ZNF385D: variants seen among roughly 807,000 people sequenced by gnomAD.
The protein encoded by ZNF385D is zinc finger protein 385D.
A neutral mutation model predicts 35.8 loss-of-function variants in ZNF385D; 15 were observed. The observed-to-expected ratio is 0.42, with a 90% CI of 0.28 to 0.64. ZNF385D has a LOEUF of 0.64. Ranked by LOEUF, ZNF385D falls within the 30% of genes least tolerant of loss-of-function variation. ZNF385D has a pLI of 0.23. For synonymous variants in ZNF385D, 212 were observed against 186.8 expected, an observed-to-expected ratio of 1.13 and a Z score of -1.10; for missense variants, 474 against 494.6, an observed-to-expected ratio of 0.96 and a Z score of 0.39.
At chr3:22,248,483 C>T (rs1158877316) in intron 2 of ZNF385D, among the ~76,000 whole-genome samples, 1 of 152,120 alleles carries the variant, frequency 6.6e-6, no homozygotes, top group African/African-American at 2.4e-5. Flanking sequence ...GGAAATCATA[C>T]AACTCATTAT....
chr3:22,346,624 G>T (rs1239297867), intron 2 of ZNF385D, among the ~76,000 whole-genome samples: 2 of 152,138 alleles, frequency 1.3e-5, no homozygotes, highest in African/African-American at 2.4e-5. Flanking sequence ...AACCCAGGCA[G>T]TGGACACCTG....
chr3:21,817,974 T>C (rs919444859), intron 3 of ZNF385D, among the ~76,000 whole-genome samples: 1 of 152,190 alleles, frequency 6.6e-6, no homozygotes, highest in Non-Finnish European at 1.5e-5. Context: ...TTGGCACATA[T>C]ACACCATGGA....
At chr3:22,202,395 G>A (rs950954602) in intron 2 of ZNF385D, among the ~76,000 whole-genome samples, 2 of 152,068 alleles carry the variant, frequency 1.3e-5, no homozygotes, top group African/African-American at 2.4e-5. Context: ...GAAAATACTA[G>A]CATAATCTCC....
At chr3:21,663,960 A>AGAAAGCT (rs997604744) in intron 2 of ZNF385D, among the ~76,000 whole-genome samples, 1 of 138,058 alleles carries the variant, frequency 7.2e-6, no homozygotes, top group African/African-American at 2.6e-5. Flanking sequence ...TATTGCAACA[A>AGAAAGCT]GAAAGCTGTG....
intron 2 of ZNF385D, among the ~76,000 whole-genome samples, chr3:22,354,545 C>A (rs1696062117): frequency 6.6e-6 from 1 of 151,906 alleles, no homozygotes; most frequent in Non-Finnish European, 1.5e-5. Context: ...AAATTGTATT[C>A]ATTCAATTAA....
intron 3 of ZNF385D, among the ~76,000 whole-genome samples, chr3:21,893,152 A>G (rs1479192206): frequency 6.6e-6 from 1 of 152,162 alleles, no homozygotes; most frequent in East Asian, 1.9e-4. Flanking sequence ...TCTCATCTAA[A>G]ATGGTGAGAA....
intron 4 of ZNF385D, among the ~76,000 whole-genome samples, chr3:21,491,606 G>A (rs974742131): frequency 6.6e-6 from 1 of 152,122 alleles, no homozygotes; most frequent in Non-Finnish European, 1.5e-5. Flanking sequence ...ATCTAAATTA[G>A]AGATTTACAA....
chr3:22,227,562 A>G (rs1268979466), intron 2 of ZNF385D, among the ~76,000 whole-genome samples: 1 of 152,164 alleles, frequency 6.6e-6, no homozygotes, highest in East Asian at 1.9e-4. Flanking sequence ...TAAAAGGCCT[A>G]AAGTGAGGTA....
chr3:21,869,497 T>C (rs902378925), intron 3 of ZNF385D, among the ~76,000 whole-genome samples: 13 of 152,096 alleles, frequency 8.5e-5, no homozygotes, highest in African/African-American at 2.9e-4. Context: ...CTTCAATAAA[T>C]GCTGCTGAGA....
intron 3 of ZNF385D, among the ~76,000 whole-genome samples, chr3:22,093,496 A>T (rs74285157): frequency 6.6e-6 from 1 of 152,074 alleles, no homozygotes; most frequent in Admixed American, 6.6e-5. Flanking sequence ...ACAAAGGATA[A>T]TATTAAAGGT....
intron 3 of ZNF385D, among the ~76,000 whole-genome samples, chr3:21,888,821 T>C (rs1466298563): frequency 6.6e-6 from 1 of 152,164 alleles, no homozygotes; most frequent in East Asian, 1.9e-4. Flanking sequence ...TTCATCTAAG[T>C]TGAGGTTGCC....
chr3:21,819,381 C>A (rs1210882556), intron 3 of ZNF385D, among the ~76,000 whole-genome samples: 1 of 151,036 alleles, frequency 6.6e-6, no homozygotes, highest in African/African-American at 2.4e-5. Context: ...GAACCTAAAA[C>A]AAGGTAACAG....
chr3:21,922,222 T>C (rs1700501332), intron 3 of ZNF385D, among the ~76,000 whole-genome samples: 3 of 152,156 alleles, frequency 2.0e-5, no homozygotes, highest in African/African-American at 7.2e-5. Flanking sequence ...CAAAGCAATC[T>C]ACAGATTCAC....
chr3:22,273,810 C>A (rs1450991800), intron 2 of ZNF385D, among the ~76,000 whole-genome samples: 1 of 151,896 alleles, frequency 6.6e-6, no homozygotes, highest in African/African-American at 2.4e-5. Flanking sequence ...TCTACTGGAC[C>A]AGCAGAGGTT....
chr3:21,948,578 A>C (rs1329225768), intron 3 of ZNF385D, among the ~76,000 whole-genome samples: 4 of 152,112 alleles, frequency 2.6e-5, no homozygotes, highest in Admixed American at 1.3e-4. Flanking sequence ...TTCGTTGTGA[A>C]AAATACCAGA....
intron 1 of ZNF385D, among the ~76,000 whole-genome samples, chr3:21,693,128 A>G (rs920911505): frequency 6.6e-6 from 1 of 152,146 alleles, no homozygotes; most frequent in Non-Finnish European, 1.5e-5. Context: ...TTTCTTCCCC[A>G]GAGCTTTTCT....
chr3:22,170,846 T>A (rs1694366352), intron 2 of ZNF385D, among the ~76,000 whole-genome samples: 1 of 152,182 alleles, frequency 6.6e-6, no homozygotes, highest in Non-Finnish European at 1.5e-5. Flanking sequence ...AATGATTAAG[T>A]AAATGATGGT....
chr3:21,566,822 C>CTCTT (rs1324620893), intron 2 of ZNF385D, among the ~76,000 whole-genome samples: 4 of 152,120 alleles, frequency 2.6e-5, no homozygotes, highest in Admixed American at 6.6e-5. Flanking sequence ...GACAAGTTCC[C>CTCTT]TCTTACCCCT....
At chr3:21,629,576 G>A (rs1462446182) in intron 2 of ZNF385D, among the ~76,000 whole-genome samples, 2 of 152,146 alleles carry the variant, frequency 1.3e-5, no homozygotes, top group Non-Finnish European at 1.5e-5. Context: ...GTCTGCCCAT[G>A]TAGAGTTTCT....
Sources: gnomAD v4.1 joint callset for allele counts (sites outside exome capture counted in the v4.1 genomes callset) on GRCh38, gnomAD v4.1.1 for gene constraint, MANE v1.5 for transcripts, NCBI Gene and HGNC (gene_info 2026-07-23, HGNC 2026-07-21) for gene names.